ARHGEF2: variants seen among roughly 807,000 people sequenced by gnomAD.
ARHGEF2 encodes Rho/Rac guanine nucleotide exchange factor 2.
In ARHGEF2, 22 loss-of-function variants were observed where a neutral mutation model predicts 121.0. The ratio of observed to expected loss-of-function variants is 0.18; its 90% confidence interval spans 0.13 to 0.26. The LOEUF (loss-of-function observed/expected upper bound fraction) is 0.26. ARHGEF2 is among the 10% of genes least tolerant of loss of function. ARHGEF2 has a pLI of 1.00. For synonymous variants in ARHGEF2, 487 were observed against 530.0 expected, an observed-to-expected ratio of 0.92 and a Z score of 1.11; for missense variants, 907 against 1,336.0, an observed-to-expected ratio of 0.68 and a Z score of 5.01.
rs1681688880 is a variant in ARHGEF2 at position 155,978,274 on chromosome 1, G to C, written c.63+91C>G. On this transcript the variant is annotated intron_variant, in intron 1 of 21. Transcript: ENST00000361247. The surrounding 1 kb of genome is among the most constrained non-coding windows in gnomAD (Gnocchi z 4.1). ...TCCGCCCGATTTTGGCGCCCAGAAA[G>C]CAGGCGGGGAGACAGGAGATGCACC... The C allele has an allele frequency of 8.0e-7, 1 of 1,255,976 alleles. No individual in the cohort carries two copies. Among genetic ancestry groups the C allele is most frequent in the Non-Finnish European group, 1.0e-6 (1 of 969,482 alleles). The allele number at this position is 1,255,976 out of a possible 1,614,324, so 77.8% of individuals were successfully genotyped here.
At chr1:155,964,161 AAAAAAAATATATATATATATAT>A (rs1479320458) in intron 7 of ARHGEF2, among the ~76,000 whole-genome samples, 2 of 57,238 alleles carry the variant, frequency 3.5e-5, no homozygotes, top group Admixed American at 2.3e-4. Flanking sequence ...AAAAAAAAAA[AAAAAAAATATATATATATATAT>A]ATATATATAT....
chr1:155,955,251 A>C (rs1279289749), intron 13 of ARHGEF2, among the ~76,000 whole-genome samples: 3 of 151,842 alleles, frequency 2.0e-5, no homozygotes, highest in Non-Finnish European at 4.4e-5. Flanking sequence ...CAGCCTCCTG[A>C]GTAGCTAGGA....
intron 7 of ARHGEF2, among the ~76,000 whole-genome samples, chr1:155,964,216 A>T (rs561313855): frequency 0.015 from 1,761 of 119,074 alleles, 30 homozygotes; most frequent in African/African-American, 0.03. Flanking sequence ...ATATATATAT[A>T]TTTTTTTTTT....
At chr1:155,973,723 G>A (rs1223643145) in intron 1 of ARHGEF2, among the ~76,000 whole-genome samples, 2 of 151,408 alleles carry the variant, frequency 1.3e-5, no homozygotes, top group African/African-American at 4.9e-5. Context: ...TCCAGCCTGG[G>A]TGACAGAGCG....
intron 7 of ARHGEF2, among the ~76,000 whole-genome samples, chr1:155,963,407 G>A (rs1389808543): frequency 1.5e-5 from 2 of 135,674 alleles, no homozygotes; most frequent in African/African-American, 2.8e-5. Flanking sequence ...GTGCAATGGC[G>A]CGATCTCAGC....
intron 1 of ARHGEF2, chr1:155,971,035 C>T: frequency 1.0e-6 from 1 of 987,008 alleles, no homozygotes; most frequent in South Asian, 4.7e-5. Context: ...TTCCCTTTCT[C>T]AGCCTTGCTT....
intron 11 of ARHGEF2, among the ~76,000 whole-genome samples, chr1:155,960,654 A>C (rs1677713964): frequency 6.6e-6 from 1 of 152,114 alleles, no homozygotes; most frequent in Non-Finnish European, 1.5e-5. Context: ...GATGGGAAGG[A>C]GAGAAAGGGA....
intron 1 of ARHGEF2, chr1:155,970,236 C>A: frequency 1.0e-6 from 1 of 982,678 alleles, no homozygotes; most frequent in African/African-American, 1.8e-5. Flanking sequence ...ATGGCGCACA[C>A]CTTCCTCGGA....
chr1:155,952,519 T>G, intron 15 of ARHGEF2, 109 bp downstream of exon 15: 1 of 1,309,118 alleles, frequency 7.6e-7, no homozygotes, highest in Non-Finnish European at 1.0e-6. Flanking sequence ...CGTTTATGGT[T>G]TATAGGGTTG....
At position 155,962,315 on chromosome 1, in the gene ARHGEF2, T is replaced by C; in HGVS notation, c.1102-93A>G. ...TGGTGCTGGCCCTGGCGTGGCCATT[T>C]ACCTCATGCTTGCCTAGGTGACATA... On this transcript the variant is annotated intron_variant, in intron 9 of 21. Coordinates refer to ENST00000361247, the MANE Select transcript of ARHGEF2 (RefSeq NM_001162383.2). This position sits in a 1 kb window ranked among gnomAD's most constrained non-coding sequence, Gnocchi z 5.8. 1 of 1,301,394 alleles carries C rather than the reference T, an allele frequency of 7.7e-7. No homozygotes were observed. Among genetic ancestry groups the C allele is most frequent in the Non-Finnish European group, 1.1e-6 (1 of 922,352 alleles). 80.6% of individuals were successfully genotyped at this position (1,301,394 alleles called of 1,614,324 possible). A position where few individuals can be genotyped will look rare whatever the true frequency, so the allele number is the denominator to read the frequency against.
intron 21 of ARHGEF2, 86 bp from the exon 22 acceptor site, chr1:155,948,101 G>T: frequency 9.7e-7 from 1 of 1,032,842 alleles, no homozygotes; most frequent in South Asian, 1.6e-5. Flanking sequence ...CCCATCTGCA[G>T]GCTCAGGGGG....
chr1:155,950,565 G>T lies in ARHGEF2; in HGVS notation c.2704-83C>A, dbSNP rs1014225675. 2.1e-6 allele frequency: 3 copies of T among 1,444,738 alleles called. No homozygotes were observed. The highest frequency in any genetic ancestry group is 2.8e-5 in the African/African-American group (2 of 71,874). The allele number at this position is 1,444,738 out of a possible 1,614,324, so 89.5% of individuals were successfully genotyped here. On this transcript the variant is annotated intron_variant, in intron 20 of 21. Coordinates refer to ENST00000361247, the MANE Select transcript of ARHGEF2 (RefSeq NM_001162383.2). This position sits in a 1 kb window ranked among gnomAD's most constrained non-coding sequence, Gnocchi z 5.2. ...AGGTTCTGCTTGGCTGAAGGCAGCA[G>T]CTCTCCCCCCTGGGGCTCACCCATG...
upstream of ARHGEF2, chr1:155,978,765 C>G (rs1350434213): frequency 1.2e-6 from 1 of 855,636 alleles, no homozygotes; most frequent in Non-Finnish European, 1.4e-6. This position sits in a 1 kb window ranked among gnomAD's most constrained non-coding sequence, Gnocchi z 4.1. Context: ...GGGGCGCCCT[C>G]TAGCCCCAGA....
intron 2 of ARHGEF2, among the ~76,000 whole-genome samples, chr1:155,967,223 C>T (rs1017152783): frequency 3.3e-5 from 5 of 152,006 alleles, no homozygotes; most frequent in Admixed American, 1.3e-4. Context: ...AAGGTGGTTG[C>T]GAATGGCAGA....
At chr1:155,957,673 T>C (rs1182885031) in intron 13 of ARHGEF2, 40 bp downstream of exon 13, 5 of 1,574,250 alleles carry the variant, frequency 3.2e-6, no homozygotes, top group Non-Finnish European at 4.3e-6. Flanking sequence ...GCAGGTACCC[T>C]GAGGTCATAA....
rs1679479287 is a variant in ARHGEF2 at position 155,966,810 on chromosome 1, G to C, written c.276+10C>G. On this transcript the variant is annotated intron_variant, in intron 3 of 21. Coordinates refer to ENST00000361247, the MANE Select transcript of ARHGEF2 (RefSeq NM_001162383.2). ...TCTCCCCCAGCCCTCTGCCCTCCCT[G>C]CCGTCTCACCTTCTGCTTGACCTTG... 6.2e-7 allele frequency: 1 copy of C among 1,609,052 alleles called. No homozygotes were observed.
chr1:155,978,228 CG>C lies in ARHGEF2; in HGVS notation c.63+136del. The C allele has an allele frequency of 5.3e-6, 7 of 1,329,978 alleles. No homozygotes were observed. The highest frequency in any genetic ancestry group is 3.1e-5 in the East Asian group (1 of 32,372). The allele number at this position is 1,329,978 out of a possible 1,614,324, so 82.4% of individuals were successfully genotyped here. On this transcript the variant is annotated intron_variant, in intron 1 of 21. Coordinates refer to ENST00000361247, the MANE Select transcript of ARHGEF2 (RefSeq NM_001162383.2). The surrounding 1 kb of genome is among the most constrained non-coding windows in gnomAD (Gnocchi z 4.1). ...CTCGCAGTCCCCACCCACCCCGTCC[CG>C]CCGCTCGCCGATCCACCGCTCCGCC... is the stretch of plus-strand genomic sequence containing the variant.
chr1:155,952,411 G>A (rs942530981), intron 15 of ARHGEF2, among the ~76,000 whole-genome samples, 176 bp from the exon 16 acceptor site: 1 of 152,352 alleles, frequency 6.6e-6, no homozygotes, highest in South Asian at 2.1e-4. Flanking sequence ...CTACGAGGCA[G>A]CAGAGTCCAT....
Position 155,952,687 on chromosome 1 carries a change from C to T in ARHGEF2, c.1925G>A (p.Arg642His), listed in dbSNP as rs761806708. 9.9e-6 allele frequency: 16 copies of T among 1,614,054 alleles called. No homozygotes were observed. The highest frequency in any genetic ancestry group is 4.5e-5 in the East Asian group (2 of 44,888). Residue 642 changes from arginine to histidine, a missense_variant, in exon 15 of 22, where the codon CGC becomes CAC. By Grantham distance (29) the Arg-to-His change is conservative. Coordinates refer to ENST00000361247, the MANE Select transcript of ARHGEF2 (RefSeq NM_001162383.2). ...ALPTLPRGLF[R>H]SESLESPRGE... ...ACGAGGGGACTCAAGGGACTCAGAG[C>T]GGAAAAGGCCCCTGGGCAGGGTGGG...
Sources: allele counts gnomAD v4.1 joint callset (sites outside exome capture counted in the v4.1 genomes callset), GRCh38; gene constraint gnomAD v4.1.1; non-coding constraint Gnocchi (gnomAD v3.1); transcripts MANE v1.5; gene names NCBI Gene and HGNC (gene_info 2026-07-23, HGNC 2026-07-21).